PTP4A1: variants seen among roughly 807,000 people sequenced by gnomAD.
PTP4A1 encodes protein tyrosine phosphatase 4A1.
Under a neutral mutation model 20.5 loss-of-function variants are expected in PTP4A1, and 9 were observed. That is an observed-to-expected ratio of 0.44 (90% CI 0.26 to 0.77). The LOEUF is 0.77. Among genes scored for constraint, PTP4A1 ranks in the 30% least tolerant of loss-of-function variants. The pLI is 0.19. For missense variants in PTP4A1, 137 were observed against 218.8 expected (o/e 0.63, Z 2.36); for synonymous variants, 78 against 67.4 (o/e 1.16, Z -0.77).
chr6:63,522,064 T>C (rs929794226), intron 1 of PTP4A1, among the ~76,000 whole-genome samples: 1 of 152,230 alleles, frequency 6.6e-6, no homozygotes, highest in Non-Finnish European at 1.5e-5. Context: ...TGCCAGATAC[T>C]GTTTCATGTC....
intron 3 of PTP4A1, among the ~76,000 whole-genome samples, chr6:63,555,775 C>T (rs1776661290): frequency 6.6e-6 from 1 of 150,518 alleles, no homozygotes; most frequent in African/African-American, 2.5e-5. Context: ...CTCACTGCAA[C>T]TTCTGCCTCC....
chr6:63,538,408 T>C (rs567163382), intron 2 of PTP4A1, among the ~76,000 whole-genome samples: 1 of 152,326 alleles, frequency 6.6e-6, no homozygotes, highest in South Asian at 2.1e-4. Context: ...AGCAATTGAA[T>C]TATAAAAGAT....
chr6:63,522,759 T>C (rs896672796), intron 1 of PTP4A1, among the ~76,000 whole-genome samples: 1 of 152,168 alleles, frequency 6.6e-6, no homozygotes, highest in African/African-American at 2.4e-5. Flanking sequence ...ATATTACTGT[T>C]TTCTACCATG....
intron 2 of PTP4A1, chr6:63,549,309 C>A: frequency 1.3e-6 from 1 of 753,418 alleles, no homozygotes; most frequent in South Asian, 1.4e-5. Flanking sequence ...GAGGATGGCT[C>A]TCTGCCGCTG....
At chr6:63,546,464 G>A (rs1005127552) in intron 2 of PTP4A1, among the ~76,000 whole-genome samples, 2 of 152,190 alleles carry the variant, frequency 1.3e-5, no homozygotes, top group Non-Finnish European at 2.9e-5. Context: ...CCAGCACTTT[G>A]GGTAGCCAAG....
intron 1 of PTP4A1, among the ~76,000 whole-genome samples, chr6:63,523,152 C>T (rs1221483282): frequency 2.0e-5 from 3 of 152,068 alleles, no homozygotes; most frequent in African/African-American, 7.2e-5. Context: ...AGGCACGAGC[C>T]ATAGTACCCA....
At chr6:63,577,706 G>A (rs1477554162) in intron 2 of PTP4A1, among the ~76,000 whole-genome samples, 1 of 152,024 alleles carries the variant, frequency 6.6e-6, no homozygotes, top group Non-Finnish European at 1.5e-5. Context: ...ACAGGCGTAC[G>A]CCACCTTGCC....
intron 3 of PTP4A1, among the ~76,000 whole-genome samples, chr6:63,550,717 T>C (rs1355564813): frequency 6.6e-6 from 1 of 150,910 alleles, no homozygotes; most frequent in Non-Finnish European, 1.5e-5. Context: ...CTTCACCTCC[T>C]GGGTTCAAGC....
At chr6:63,557,984 G>A (rs1426441804) in intron 3 of PTP4A1, among the ~76,000 whole-genome samples, 2 of 151,810 alleles carry the variant, frequency 1.3e-5, no homozygotes, top group Non-Finnish European at 2.9e-5. Context: ...CCGCCTCCTG[G>A]GTTCAAGCAA....
upstream of PTP4A1, chr6:63,572,402 C>A (rs1777492771): frequency 5.8e-6 from 2 of 342,896 alleles, no homozygotes; most frequent in Admixed American, 4.8e-5. Context: ...TCCTGGCCCG[C>A]GGTTCCAGGC....
chr6:63,541,602 G>A (rs906401114), intron 2 of PTP4A1, among the ~76,000 whole-genome samples: 8 of 152,060 alleles, frequency 5.3e-5, no homozygotes, highest in African/African-American at 1.9e-4. Flanking sequence ...TCAGATTTTA[G>A]GACTGATATT....
At chr6:63,537,844 G>C (rs1775788480) in intron 2 of PTP4A1, among the ~76,000 whole-genome samples, 1 of 152,220 alleles carries the variant, frequency 6.6e-6, no homozygotes, top group South Asian at 2.1e-4. Context: ...CAACCGCCAA[G>C]AATCTGGCGA....
chr6:63,531,534 T>G (rs1481677665), intron 2 of PTP4A1, among the ~76,000 whole-genome samples: 2 of 146,716 alleles, frequency 1.4e-5, no homozygotes, highest in Non-Finnish European at 3.0e-5. Flanking sequence ...TTTTTTTTTG[T>G]AAATGCAGTG....
chr6:63,554,894 T>C (rs1399388880), intron 3 of PTP4A1, among the ~76,000 whole-genome samples: 7 of 152,222 alleles, frequency 4.6e-5, no homozygotes, highest in Non-Finnish European at 1.5e-5. Context: ...TCTTAGGCAA[T>C]GCTGGTGTAT....
chr6:63,531,534 T>C (rs1481677665), intron 2 of PTP4A1, among the ~76,000 whole-genome samples: 4 of 146,716 alleles, frequency 2.7e-5, no homozygotes, highest in Non-Finnish European at 6.0e-5. Flanking sequence ...TTTTTTTTTG[T>C]AAATGCAGTG....
At chr6:63,550,392 T>A (rs1562120736) in exon 3 of PTP4A1, 1 of 151,986 alleles carries the variant, frequency 6.6e-6, no homozygotes, top group African/African-American at 2.4e-5. Flanking sequence ...GCTACAAAGG[T>A]TGAAGCGTTC....
At chr6:63,567,323 C>G (rs964191461) in intron 3 of PTP4A1, among the ~76,000 whole-genome samples, 1 of 152,166 alleles carries the variant, frequency 6.6e-6, no homozygotes, top group Non-Finnish European at 1.5e-5. Flanking sequence ...AATATTAAAA[C>G]CTGAAAGTCA....
intron 3 of PTP4A1, among the ~76,000 whole-genome samples, chr6:63,559,757 A>G (rs964914102): frequency 1.3e-5 from 2 of 152,010 alleles, no homozygotes; most frequent in African/African-American, 2.4e-5. Flanking sequence ...AAGAGGAAAA[A>G]AAAAATGAAT....
At chr6:63,541,323 G>A (rs574489492) in intron 2 of PTP4A1, among the ~76,000 whole-genome samples, 27 of 152,128 alleles carry the variant, frequency 1.8e-4, no homozygotes, top group Admixed American at 1.4e-3. Context: ...GGGAGGTCAA[G>A]GCGGGTGGAT....
Sources: allele counts gnomAD v4.1 joint callset (sites outside exome capture counted in the v4.1 genomes callset), GRCh38; gene constraint gnomAD v4.1.1; transcripts MANE v1.5; gene names NCBI Gene and HGNC (gene_info 2026-07-23, HGNC 2026-07-21).